TBX4: variants seen among roughly 807,000 people sequenced by gnomAD.
TBX4 encodes T-box transcription factor TBX4.
Under a neutral mutation model 54.6 loss-of-function variants are expected in TBX4, and 13 were observed. That is an observed-to-expected ratio of 0.24 (90% CI 0.15 to 0.38). The LOEUF (loss-of-function observed/expected upper bound fraction) is 0.38. TBX4 is among the 10% of genes least tolerant of loss of function. The probability of loss-of-function intolerance (pLI) is 1.00; values close to 1 mark genes in which losing one functional copy is unlikely to be tolerated. For synonymous variants in TBX4, 314 were observed against 306.7 expected (o/e 1.02, Z -0.25); for missense variants, 631 against 728.5 (o/e 0.87, Z 1.54).
chr17:61,483,023 A>C lies in TBX4; in HGVS notation c.1148A>C (p.Tyr383Ser), dbSNP rs536406541. Residue 383 changes from tyrosine to serine, a missense_variant, in exon 9 of 9, where the codon TAC (tyrosine) becomes TCC (serine). Transcript: ENST00000644296. The surrounding 1 kb of genome is among the most constrained non-coding windows in gnomAD (Gnocchi z 6.6). ...GACCAGCAAATGCTGAGCCCCTCCTACTGCAGTGAGGTGACCCCCAGAGAA... is the reference window on the plus strand; with the variant it reads ...GACCAGCAAATGCTGAGCCCCTCCTCCTGCAGTGAGGTGACCCCCAGAGAA... Reference protein sequence around the residue: ...PYDQQMLSPSYCSEVTPREAC... With the variant: ...PYDQQMLSPSSCSEVTPREAC... The C allele has an allele frequency of 8.2e-5, 133 of 1,612,326 alleles. No homozygotes were observed. Among genetic ancestry groups the C allele is most frequent in the Non-Finnish European group, 1.1e-4 (132 of 1,179,550 alleles).
intron 1 of TBX4, among the ~76,000 whole-genome samples, chr17:61,454,393 C>G (rs2060432464): frequency 6.6e-6 from 1 of 152,256 alleles, no homozygotes; most frequent in South Asian, 2.1e-4. Context: ...CGGGCCGCAC[C>G]CGCGGAGGAG....
chr17:61,483,522 A>T lies in TBX4; in HGVS notation c.*6A>T, dbSNP rs2060681411. The T allele has an allele frequency of 2.5e-6, 4 of 1,613,840 alleles. No homozygotes were observed. Among genetic ancestry groups the T allele is most frequent in the Non-Finnish European group, 3.4e-6 (4 of 1,179,982 alleles). On this transcript the variant is annotated 3_prime_UTR_variant, in exon 9 of 9. Coordinates refer to ENST00000644296, the MANE Select transcript of TBX4 (RefSeq NM_001321120.2). The surrounding 1 kb of genome is among the most constrained non-coding windows in gnomAD (Gnocchi z 6.6). Reference sequence around the variant, plus strand: ...AGAACTGGACTGACGGATGACTCTCACGTCTCCTCCATAGCCCCGGGACCG... The same window carrying T: ...AGAACTGGACTGACGGATGACTCTCTCGTCTCCTCCATAGCCCCGGGACCG...
Position 61,457,623 on chromosome 17 carries a change from G to A in TBX4, c.273G>A (p.Lys91=). 6.2e-7 allele frequency: 1 copy of A among 1,613,968 alleles called. No individual in the cohort carries two copies. Among genetic ancestry groups the A allele is most frequent in the Non-Finnish European group, 8.5e-7 (1 of 1,179,950 alleles). The change falls in exon 3 of 9, where the codon AAG becomes AAA. Residue 91 remains lysine (K), a synonymous_variant. Coordinates refer to ENST00000644296, the MANE Select transcript of TBX4 (RefSeq NM_001321120.2). This position sits in a 1 kb window ranked among gnomAD's most constrained non-coding sequence, Gnocchi z 8.2. ...CGGGCACCGAGATGATCATCACTAA[G>A]GCTGGCAGGTCAGCGCTGGGAGATT... ...HEAGTEMIIT[K]AGRRMFPSYK...
chr17:61,484,672 T>G lies in TBX4; in HGVS notation c.*1156T>G, dbSNP rs1200422523. On this transcript the variant is annotated 3_prime_UTR_variant, in exon 9 of 9. Transcript: ENST00000644296. This position sits in a 1 kb window ranked among gnomAD's most constrained non-coding sequence, Gnocchi z 4.1. The stretch of plus-strand genomic sequence containing the variant: ...AATACCACCAGGCCATCAGTGTGGC[T>G]GGGGTGAACTCTCCATCAAACTTGG... The G allele has an allele frequency of 6.6e-6, 1 of 151,884 alleles. No homozygotes were observed. The highest frequency in any genetic ancestry group is 1.5e-5 in the Non-Finnish European group (1 of 67,986). The allele number at this position is 151,884 out of a possible 1,614,324, so 9.4% of individuals were successfully genotyped here.
At position 61,483,090 on chromosome 17, in the gene TBX4, G is replaced by A. The variant is rs751591708; in HGVS notation, c.1215G>A (p.Val405=). 5 of 1,614,010 alleles carry A rather than the reference G, an allele frequency of 3.1e-6. No individual in the cohort carries two copies. Among genetic ancestry groups the A allele is most frequent in the African/African-American group, 2.7e-5 (2 of 74,886 alleles). ...GTTCAGGGCCCGAGATTGCCGGGGT[G>A]TCTGGGGTGGACGACCTGCCCCCAC... ...YSGSGPEIAG[V]SGVDDLPPPP... is the part of the protein sequence containing the mutation. The change falls in exon 9 of 9, where the codon GTG becomes GTA. Residue 405 remains valine (V), a synonymous_variant. Coordinates refer to ENST00000644296, the MANE Select transcript of TBX4 (RefSeq NM_001321120.2). This position sits in a 1 kb window ranked among gnomAD's most constrained non-coding sequence, Gnocchi z 6.6.
chr17:61,466,053 C>T, intron 4 of TBX4, 115 bp downstream of exon 4: 2 of 1,520,306 alleles, frequency 1.3e-6, no homozygotes, highest in Non-Finnish European at 1.8e-6. Flanking sequence ...CCCAGGTCTG[C>T]AGGCTGGAGT....
chr17:61,456,275 G>T (rs1254132171), intron 1 of TBX4, among the ~76,000 whole-genome samples: 1 of 152,178 alleles, frequency 6.6e-6, no homozygotes, highest in African/African-American at 2.4e-5. Flanking sequence ...TTGAACTGCC[G>T]CAGACCCTCC....
rs1001812719 is a variant in TBX4 at position 61,480,818 on chromosome 17, T to G, written c.1021+499T>G. ...AGGCTGCTTGAGAGTTGAGATGAGC[T>G]ATTGTGGATGTAGGTGGGGGCTGGG... On this transcript the variant is annotated intron_variant, in intron 8 of 8. Coordinates refer to ENST00000644296, the MANE Select transcript of TBX4 (RefSeq NM_001321120.2). The surrounding 1 kb of genome is among the most constrained non-coding windows in gnomAD (Gnocchi z 6.2). 3.3e-5 allele frequency among the ~76,000 whole-genome samples: 5 copies of G among 152,142 alleles called. No homozygotes were observed. Among genetic ancestry groups the G allele is most frequent in the Non-Finnish European group, 4.4e-5 (3 of 68,018 alleles).
In TBX4 at chr17:61,456,377, C is replaced by T. The variant is rs374081904; in HGVS notation, c.-3-111C>T. The stretch of plus-strand genomic sequence containing the variant: ...AGGAGGGGGCGGGGTCCACGTGCTC[C>T]AGGGCTGCCTCCGCGCCCCGCACGA... On this transcript the variant is annotated intron_variant, in intron 1 of 8. Transcript: ENST00000644296. The T allele has an allele frequency of 3.4e-6, 5 of 1,450,532 alleles. No individual in the cohort carries two copies. The African/African-American group carries it at 5.7e-5, about 16-fold the overall frequency. 89.9% of individuals were successfully genotyped at this position (1,450,532 alleles called of 1,614,324 possible).
At position 61,452,803 on chromosome 17, in the gene TBX4, C is replaced by T. The variant is rs577051786; in HGVS notation, c.-4+226C>T. Reference sequence around the variant, plus strand: ...CGACACCCAGTAGTTGGGGCACGAGCCCTCCTCTCTGAGTAACGCGATGAA... The same window carrying T: ...CGACACCCAGTAGTTGGGGCACGAGTCCTCCTCTCTGAGTAACGCGATGAA... On this transcript the variant is annotated intron_variant, in intron 1 of 8. Coordinates refer to ENST00000644296, the MANE Select transcript of TBX4 (RefSeq NM_001321120.2). 133 of 621,758 alleles carry T rather than the reference C, an allele frequency of 2.1e-4. No homozygotes were observed. The Middle Eastern group carries it at 2.4e-3, about 11-fold the overall frequency. The allele number at this position is 621,758 out of a possible 1,614,324, so 38.5% of individuals were successfully genotyped here. A position where few individuals can be genotyped will look rare whatever the true frequency, so the allele number is the denominator to read the frequency against.
rs1234918575 is a variant in TBX4, at chr17:61,462,266, C to G, written c.282-3553C>G. 1.3e-5 allele frequency among the ~76,000 whole-genome samples: 2 copies of G among 152,180 alleles called. No individual in the cohort carries two copies. The highest frequency in any genetic ancestry group is 3.9e-4 in the East Asian group (2 of 5,156). On this transcript the variant is annotated intron_variant, in intron 3 of 8. Transcript: ENST00000644296. The surrounding 1 kb of genome is among the most constrained non-coding windows in gnomAD (Gnocchi z 4.5). ...CCTGTTTCATGATCAGAGGAGAAGC[C>G]CCGGGCTTTCATCTCCTCCCGGGCC...
intron 5 of TBX4, among the ~76,000 whole-genome samples, chr17:61,471,674 A>G (rs1167141487): frequency 6.6e-6 from 1 of 151,930 alleles, no homozygotes; most frequent in Non-Finnish European, 1.5e-5. Flanking sequence ...CTTGGAGAAT[A>G]GTCTATTCAG....
chr17:61,478,671 C>G lies in TBX4; in HGVS notation c.594C>G (p.Ile198Met), dbSNP rs147048921. 3 of 1,614,214 alleles carry G rather than the reference C, an allele frequency of 1.9e-6. No homozygotes were observed. Among genetic ancestry groups the G allele is most frequent in the Non-Finnish European group, 8.5e-7 (1 of 1,180,044 alleles). The change falls in exon 6 of 9, where the codon ATC becomes ATG. Residue 198 changes from isoleucine (I) to methionine (M), a missense_variant. Physicochemically the swap from Ile to Met is conservative, Grantham distance 10 (BLOSUM62 1). Transcript: ENST00000644296. This position sits in a 1 kb window ranked among gnomAD's most constrained non-coding sequence, Gnocchi z 7.4. ...SMHKYQPRLHIVKADENNAFG... is the reference protein window; with the variant it reads ...SMHKYQPRLHMVKADENNAFG... ...ACAAGTACCAGCCGCGGCTCCACAT[C>G]GTTAAGGCTGATGAGAACAATGCTT...
Position 61,457,599 on chromosome 17 carries a change from G to A in TBX4, c.249G>A (p.Ala83=), listed in dbSNP as rs35070263. 2,547 of 1,613,982 alleles carry A rather than the reference G, an allele frequency of 1.6e-3. 39 individuals carry two copies. In the African/African-American group the frequency reaches 0.03, roughly 19 times the overall value. The change falls in exon 3 of 9, where the codon GCG becomes GCA. Residue 83 remains alanine, a synonymous_variant. Coordinates refer to ENST00000644296, the MANE Select transcript of TBX4 (RefSeq NM_001321120.2). This position sits in a 1 kb window ranked among gnomAD's most constrained non-coding sequence, Gnocchi z 8.2. The part of the protein sequence containing the change: ...EKELWKKFHE[A]GTEMIITKAG... ...AGCTCTGGAAGAAGTTCCACGAGGCGGGCACCGAGATGATCATCACTAAGG... is the reference window on the plus strand; with the variant it reads ...AGCTCTGGAAGAAGTTCCACGAGGCAGGCACCGAGATGATCATCACTAAGG...
In TBX4 at chr17:61,479,775, C is replaced by T; in HGVS notation, c.703-106C>T. ...GAGAAGCGGTGAGGCTGGAGAGCGA[C>T]CCCTGAGGGAGGGAGGTTACATGTT... On this transcript the variant is annotated intron_variant, in intron 6 of 8. Coordinates refer to ENST00000644296, the MANE Select transcript of TBX4 (RefSeq NM_001321120.2). This position sits in a 1 kb window ranked among gnomAD's most constrained non-coding sequence, Gnocchi z 6.1. 2.5e-6 allele frequency: 3 copies of T among 1,189,688 alleles called. No homozygotes were observed. The highest frequency in any genetic ancestry group is 3.8e-6 in the Non-Finnish European group (3 of 796,216). The allele number at this position is 1,189,688 out of a possible 1,614,324, so 73.7% of individuals were successfully genotyped here. A position where few individuals can be genotyped will look rare whatever the true frequency, so the allele number is the denominator to read the frequency against.
intron 5 of TBX4, among the ~76,000 whole-genome samples, chr17:61,471,448 T>C (rs967505053): frequency 6.6e-6 from 1 of 152,182 alleles, no homozygotes; most frequent in Non-Finnish European, 1.5e-5. Context: ...CAAATTAAAA[T>C]GTCTACAATA....
chr17:61,452,812 C>G (rs1487260622), intron 1 of TBX4: 8 of 708,236 alleles, frequency 1.1e-5, no homozygotes, highest in Non-Finnish European at 1.4e-5. Context: ...GCCCTCCTCT[C>G]TGAGTAACGC....
rs1044156727 is a variant in TBX4 at position 61,478,130 on chromosome 17, A to G, written c.550-497A>G. Among the ~76,000 whole-genome samples, 1 of 152,074 alleles carries G rather than the reference A, an allele frequency of 6.6e-6. No individual in the cohort carries two copies. Among genetic ancestry groups the G allele is most frequent in the Non-Finnish European group, 1.5e-5 (1 of 68,008 alleles). On this transcript the variant is annotated intron_variant, in intron 5 of 8. Coordinates refer to ENST00000644296, the MANE Select transcript of TBX4 (RefSeq NM_001321120.2). The surrounding 1 kb of genome is among the most constrained non-coding windows in gnomAD (Gnocchi z 7.4). ...GGTCATGTGTAAGAAGGGTATTGAG[A>G]AGAGGTGAGGCTGGAGGGGGACCCC...
chr17:61,479,873 C>T lies in TBX4; in HGVS notation c.703-8C>T, dbSNP rs188695560. The stretch of plus-strand genomic sequence containing the variant: ...ACACTGGTGACCCTATGTGTTTTCT[C>T]CCCACAGATCACCCAGCTGAAAATT... On this transcript the variant is annotated splice_region_variant and splice_polypyrimidine_tract_variant and intron_variant, in intron 6 of 8. Transcript: ENST00000644296. The surrounding 1 kb of genome is among the most constrained non-coding windows in gnomAD (Gnocchi z 6.1). The T allele has an allele frequency of 2.4e-3, 3,910 of 1,614,062 alleles. 3 individuals are homozygous for T. The highest frequency in any genetic ancestry group is 3.0e-3 in the Non-Finnish European group (3,505 of 1,179,956).
Sources: allele counts gnomAD v4.1 joint callset (sites outside exome capture counted in the v4.1 genomes callset), GRCh38; gene constraint gnomAD v4.1.1; non-coding constraint Gnocchi (gnomAD v3.1); transcripts MANE v1.5; gene names NCBI Gene and HGNC (gene_info 2026-07-23, HGNC 2026-07-21).